The following RFFL variants were observed in gnomAD, a reference collection of about 807,000 sequenced individuals.
The protein encoded by RFFL is ring finger and FYVE like domain containing E3 ubiquitin protein ligase, also known as E3 ubiquitin-protein ligase rififylin.
RFFL carries 16 observed loss-of-function variants against 40.4 expected under a neutral mutation model. The observed-to-expected ratio is 0.40, with a 90% CI of 0.27 to 0.60. The LOEUF is 0.60. RFFL is among the 20% of genes least tolerant of loss of function. RFFL has a pLI of 0.47. For missense variants in RFFL, 367 were observed against 451.7 expected (o/e 0.81, Z 1.70); for synonymous variants, 154 against 167.9 (o/e 0.92, Z 0.64).
intron 1 of RFFL, among the ~76,000 whole-genome samples, chr17:35,039,866 G>A (rs933522408): frequency 6.6e-6 from 1 of 151,694 alleles, no homozygotes; most frequent in Non-Finnish European, 1.5e-5. Flanking sequence ...TAGTAGAGAC[G>A]GCTTCTCCAT....
At chr17:35,084,370 G>A (rs950521768) in intron 1 of RFFL, among the ~76,000 whole-genome samples, 2 of 152,204 alleles carry the variant, frequency 1.3e-5, no homozygotes, top group African/African-American at 4.8e-5. Flanking sequence ...AAGGCGGGCA[G>A]ATCACCTGAG....
chr17:35,029,601 A>T lies in RFFL; in HGVS notation c.-8-3040T>A, dbSNP rs896010695. Among the ~76,000 whole-genome samples, 8 of 150,138 alleles carry T rather than the reference A, an allele frequency of 5.3e-5. 1 individual carries two copies. The highest frequency in any genetic ancestry group is 7.4e-5 in the African/African-American group (3 of 40,546). On this transcript the variant is annotated intron_variant, in intron 1 of 6. Transcript: ENST00000394597. ...AGTGGCATGATCTCAGCTCACTGCA[A>T]GCTCCGCCTCCCGGGTTCACACCAT... is the stretch of plus-strand genomic sequence containing the variant.
intron 5 of RFFL, among the ~76,000 whole-genome samples, chr17:35,015,555 A>G (rs2090968172): frequency 6.6e-6 from 1 of 152,218 alleles, no homozygotes. Flanking sequence ...GTGAAGAGTC[A>G]GTCAGATGAC....
At chr17:35,022,725 C>G (rs190736484) in intron 2 of RFFL, among the ~76,000 whole-genome samples, 30 of 152,312 alleles carry the variant, frequency 2.0e-4, no homozygotes, top group African/African-American at 7.0e-4. Flanking sequence ...ACTGCTCCAT[C>G]GACACAGGCT....
chr17:35,069,236 T>C lies in RFFL; in HGVS notation c.-9+19869A>G, dbSNP rs574236602. ...ACACACATGCCCTGCCTCCAATAAG[T>C]CAAACTTCCTAAACGTCTACCCTGG... On this transcript the variant is annotated intron_variant, in intron 1 of 6. Coordinates refer to the RFFL transcript ENST00000315249. 1,129 of 456,666 alleles carry C rather than the reference T, an allele frequency of 2.5e-3. 20 individuals carry two copies. Among genetic ancestry groups the C allele is most frequent in the South Asian group, 0.015 (995 of 64,552 alleles). The allele number at this position is 456,666 out of a possible 1,614,324, so 28.3% of individuals were successfully genotyped here.
intron 1 of RFFL, among the ~76,000 whole-genome samples, chr17:35,077,569 A>C (rs1180862664): frequency 6.6e-6 from 1 of 152,230 alleles, no homozygotes; most frequent in East Asian, 1.9e-4. Flanking sequence ...ATAGTTTAAG[A>C]AGCACAAACT....
chr17:35,082,553 GTTC>G (rs2091407875), intron 1 of RFFL, among the ~76,000 whole-genome samples: 1 of 152,130 alleles, frequency 6.6e-6, no homozygotes, highest in Admixed American at 6.5e-5. Flanking sequence ...ATATTCTCTG[GTTC>G]TTAACTTTAG....
At chr17:35,013,182 G>A (rs1290958992) in intron 6 of RFFL, among the ~76,000 whole-genome samples, 3 of 152,260 alleles carry the variant, frequency 2.0e-5, no homozygotes, top group Admixed American at 6.5e-5. Context: ...AGGGCACAAA[G>A]CTGCTAAGTC....
At position 35,079,202 on chromosome 17, in the gene RFFL, T is replaced by C. The variant is rs185775676; in HGVS notation, c.-9+9903A>G. Among the ~76,000 whole-genome samples the C allele has an allele frequency of 1.1e-4, 16 of 152,262 alleles. No individual in the cohort carries two copies. The East Asian group carries it at 3.1e-3, about 29-fold the overall frequency. ...CATGCCTGGCAAATTTTTGTATTTT[T>C]AGTAGAGACGAGGGTTTCACCCTGT... On this transcript the variant is annotated intron_variant, in intron 1 of 6. Coordinates refer to the RFFL transcript ENST00000315249.
intron 1 of RFFL, among the ~76,000 whole-genome samples, chr17:35,080,398 A>G (rs1264922871): frequency 6.6e-6 from 1 of 152,126 alleles, no homozygotes; most frequent in African/African-American, 2.4e-5. Context: ...TAGGGCACAT[A>G]GTTTTTTGTA....
rs564104677 is a variant in RFFL at position 35,016,713 on chromosome 17, G to A, written c.676-133C>T. On this transcript the variant is annotated intron_variant, in intron 4 of 6. Coordinates refer to ENST00000394597, the MANE Select transcript of RFFL (RefSeq NM_001017368.2). ...TGAAGGGTAGGAACAGAGACAGGAT[G>A]AGTACCTGGCATGGTGCTCTGCATT... 7.5e-6 allele frequency: 5 copies of A among 662,620 alleles called. No individual in the cohort carries two copies. In the South Asian group the frequency reaches 9.2e-5, roughly 12 times the overall value. 41.0% of individuals were successfully genotyped at this position (662,620 alleles called of 1,614,324 possible). A position where few individuals can be genotyped will look rare whatever the true frequency, so the allele number is the denominator to read the frequency against.
At chr17:35,039,034 G>A (rs564714728) in intron 1 of RFFL, among the ~76,000 whole-genome samples, 5 of 152,032 alleles carry the variant, frequency 3.3e-5, no homozygotes, top group Admixed American at 3.3e-4. Flanking sequence ...ACAGCATGCC[G>A]AGTAGCTGGG....
intron 1 of RFFL, among the ~76,000 whole-genome samples, chr17:35,038,777 G>A (rs770200738): frequency 5.3e-5 from 8 of 152,332 alleles, no homozygotes; most frequent in Non-Finnish European, 7.3e-5. Context: ...AGCCCAAGGG[G>A]CTTCTGGTAA....
intron 1 of RFFL, among the ~76,000 whole-genome samples, chr17:35,071,572 C>A (rs1319231525): frequency 6.6e-6 from 1 of 151,250 alleles, no homozygotes; most frequent in Admixed American, 6.6e-5. Flanking sequence ...GAGCTGAGAT[C>A]GCACCATTGC....
rs1275890298 is a variant in RFFL, at chr17:35,011,628, C to T, written c.*340G>A. On this transcript the variant is annotated 3_prime_UTR_variant, in exon 7 of 7. Coordinates refer to ENST00000394597, the MANE Select transcript of RFFL (RefSeq NM_001017368.2). ...ATATGGGGTGGGGATGGGTTGGGTA[C>T]AGGAGGAGGGGTGAAACTGTCTAGG... The T allele has an allele frequency of 8.2e-6, 2 of 243,188 alleles. No individual in the cohort carries two copies. Among genetic ancestry groups the T allele is most frequent in the Non-Finnish European group, 1.6e-5 (2 of 123,980 alleles). 15.1% of individuals were successfully genotyped at this position (243,188 alleles called of 1,614,324 possible).
At chr17:35,080,773 T>C (rs755959509) in intron 1 of RFFL, among the ~76,000 whole-genome samples, 19 of 152,188 alleles carry the variant, frequency 1.2e-4, no homozygotes, top group Non-Finnish European at 2.1e-4. Context: ...GGCTGCCAAG[T>C]AGTTCAAATC....
At chr17:35,071,101 G>C (rs1179414829) in intron 1 of RFFL, among the ~76,000 whole-genome samples, 1 of 151,778 alleles carries the variant, frequency 6.6e-6, no homozygotes, top group Non-Finnish European at 1.5e-5. Context: ...GAGAGGGTGA[G>C]GCAGGAGAAT....
chr17:35,012,135 A>G lies in RFFL; in HGVS notation c.925T>C (p.Ser309Pro). Residue 309 changes from serine to proline, a missense_variant, in exon 7 of 7, where the codon TCA becomes CCA. Ser to Pro is a moderately conservative substitution (Grantham distance 74). Coordinates refer to ENST00000394597, the MANE Select transcript of RFFL (RefSeq NM_001017368.2). Reference protein sequence around the residue: ...AEDQNGGAVPSGLEENLCKIC... With the variant: ...AEDQNGGAVPPGLEENLCKIC... The stretch of plus-strand genomic sequence containing the variant: ...TTACACAGGTTCTCCTCCAAGCCTG[A>G]TGGTACTGCTCCCCCTGTACAAACA... 2 of 1,614,034 alleles carry G rather than the reference A, an allele frequency of 1.2e-6. No homozygotes were observed. The highest frequency in any genetic ancestry group is 2.7e-5 in the African/African-American group (2 of 75,028).
At chr17:35,036,339 T>G (rs1394428135) in intron 1 of RFFL, 2 of 152,192 alleles carry the variant, frequency 1.3e-5, no homozygotes, top group African/African-American at 2.4e-5. Flanking sequence ...TCTACAAACC[T>G]CCTTCTGATC....
Sources: allele counts gnomAD v4.1 joint callset (sites outside exome capture counted in the v4.1 genomes callset), GRCh38; gene constraint gnomAD v4.1.1; transcripts MANE v1.5; gene names NCBI Gene and HGNC (gene_info 2026-07-23, HGNC 2026-07-21).